The following LRRTM3 variants were observed in gnomAD, a reference collection of about 807,000 sequenced individuals.
The protein encoded by LRRTM3 is leucine-rich repeat transmembrane neuronal protein 3.
A neutral mutation model predicts 44.7 loss-of-function variants in LRRTM3; 24 were observed. That is an observed-to-expected ratio of 0.54 (90% confidence interval 0.39 to 0.76). The LOEUF is 0.76. LRRTM3 is among the 30% of genes least tolerant of loss of function. The pLI is 0.00. For missense variants in LRRTM3, 587 were observed against 702.2 expected (o/e 0.84, Z 1.85); for synonymous variants, 277 against 278.7 (o/e 0.99, Z 0.06).
intron 2 of LRRTM3, among the ~76,000 whole-genome samples, chr10:67,087,966 G>T (rs1032066731): frequency 6.6e-5 from 10 of 151,924 alleles, no homozygotes; most frequent in African/African-American, 2.2e-4. Context: ...GCTCAAAAAG[G>T]TTATGGTCTA....
intron 2 of LRRTM3, among the ~76,000 whole-genome samples, chr10:67,055,885 T>C (rs984092721): frequency 6.6e-6 from 1 of 152,090 alleles, no homozygotes; most frequent in Non-Finnish European, 1.5e-5. Flanking sequence ...ATCATGAATA[T>C]AGATTTAGTT....
chr10:67,055,995 C>T (rs1258298388), intron 2 of LRRTM3, among the ~76,000 whole-genome samples: 1 of 152,000 alleles, frequency 6.6e-6, no homozygotes, highest in Non-Finnish European at 1.5e-5. Context: ...TCTTGCCTCA[C>T]CTCTTATGTT....
chr10:66,956,626 A>T (rs1486809964), intron 2 of LRRTM3, among the ~76,000 whole-genome samples: 22 of 152,220 alleles, frequency 1.4e-4, no homozygotes, highest in Admixed American at 1.4e-3. Context: ...TAATGCTGTC[A>T]TTTCAGAGTG....
intron 2 of LRRTM3, among the ~76,000 whole-genome samples, chr10:67,065,675 A>G (rs980649199): frequency 2.0e-5 from 3 of 152,096 alleles, no homozygotes; most frequent in Admixed American, 1.3e-4. Context: ...CCTTTCCCCA[A>G]GCATGAGCCA....
At chr10:67,005,737 G>A (rs993634689) in intron 2 of LRRTM3, among the ~76,000 whole-genome samples, 6 of 113,238 alleles carry the variant, frequency 5.3e-5, no homozygotes, top group Non-Finnish European at 1.0e-4. Context: ...CCAAGCTGGA[G>A]TGCAATGGTA....
intron 2 of LRRTM3, among the ~76,000 whole-genome samples, chr10:67,042,962 A>T (rs759857823): frequency 6.6e-6 from 1 of 152,138 alleles, no homozygotes; most frequent in Non-Finnish European, 1.5e-5. Context: ...GTGAAAACTG[A>T]GCAGCTAGGT....
At chr10:66,928,509 A>G in intron 2 of LRRTM3, 57 bp downstream of exon 2, 4 of 1,486,406 alleles carry the variant, frequency 2.7e-6, no homozygotes. Flanking sequence ...GTGGTGCTTT[A>G]TTGAACTCTG....
intron 2 of LRRTM3, among the ~76,000 whole-genome samples, chr10:66,979,278 C>G (rs948227002): frequency 1.3e-5 from 2 of 151,970 alleles, no homozygotes; most frequent in Non-Finnish European, 2.9e-5. Flanking sequence ...ATAACTATTT[C>G]TTAAGTAGGA....
chr10:67,015,782 A>C (rs907617276), intron 2 of LRRTM3, among the ~76,000 whole-genome samples: 2 of 151,928 alleles, frequency 1.3e-5, no homozygotes, highest in Non-Finnish European at 2.9e-5. Context: ...AATTACGTAC[A>C]TGTTGTCTCT....
rs1348765576 is a variant in LRRTM3 at position 66,989,428 on chromosome 10, G to A, written c.1536+60976G>A. Among the ~76,000 whole-genome samples, 7 of 152,244 alleles carry A rather than the reference G, an allele frequency of 4.6e-5. No individual in the cohort carries two copies. The East Asian group carries it at 1.2e-3, about 25-fold the overall frequency. On this transcript the variant is annotated intron_variant, in intron 2 of 2. Transcript: ENST00000361320. ...TATATTTGTAGGTATAACAGAATTA[G>A]ACTACTTTAATAGCTGAATTCATTT...
chr10:66,965,372 T>C lies in LRRTM3; in HGVS notation c.1536+36920T>C, dbSNP rs1177485910. 4.6e-5 allele frequency among the ~76,000 whole-genome samples: 7 copies of C among 151,672 alleles called. No individual in the cohort carries two copies. The South Asian group carries it at 1.5e-3, about 32-fold the overall frequency. Reference sequence around the variant, plus strand: ...CAACATGGTGAAACCCTGTCTCTACTAAAAATACAAAAATTAGCCGGGTGT... The same window carrying C: ...CAACATGGTGAAACCCTGTCTCTACCAAAAATACAAAAATTAGCCGGGTGT... On this transcript the variant is annotated intron_variant, in intron 2 of 2. Coordinates refer to ENST00000361320, the MANE Select transcript of LRRTM3 (RefSeq NM_178011.5).
At chr10:66,967,619 A>G (rs1255696940) in intron 2 of LRRTM3, among the ~76,000 whole-genome samples, 2 of 152,034 alleles carry the variant, frequency 1.3e-5, no homozygotes, top group Non-Finnish European at 2.9e-5. Flanking sequence ...CAGTCCATTA[A>G]AATAATTTTC....
chr10:66,950,274 T>C (rs1342574469), intron 2 of LRRTM3, among the ~76,000 whole-genome samples: 6 of 152,162 alleles, frequency 3.9e-5, no homozygotes, highest in Non-Finnish European at 8.8e-5. Context: ...TCTATAGCCA[T>C]TAAAATTTTC....
chr10:67,038,408 C>T (rs567508952), intron 2 of LRRTM3, among the ~76,000 whole-genome samples: 9 of 151,908 alleles, frequency 5.9e-5, no homozygotes, highest in Admixed American at 5.9e-4. Flanking sequence ...TACAAAGAAA[C>T]AAAAATACGT....
At chr10:66,961,060 G>C (rs1348528588) in intron 2 of LRRTM3, among the ~76,000 whole-genome samples, 2 of 152,176 alleles carry the variant, frequency 1.3e-5, no homozygotes, top group Non-Finnish European at 2.9e-5. Context: ...ACACAAATTA[G>C]TGATACAGTA....
At chr10:66,957,417 T>TATATATATATATGC (rs1564793956) in intron 2 of LRRTM3, among the ~76,000 whole-genome samples, 1 of 31,888 alleles carries the variant, frequency 3.1e-5, no homozygotes, top group African/African-American at 3.0e-4. Flanking sequence ...TATATATGCA[T>TATATATATATATGC]ATATATATAT....
At chr10:66,964,252 G>A (rs1849279787) in intron 2 of LRRTM3, among the ~76,000 whole-genome samples, 1 of 151,520 alleles carries the variant, frequency 6.6e-6, no homozygotes, top group Non-Finnish European at 1.5e-5. Context: ...TTTAAAGTAT[G>A]AGGATTCTAC....
chr10:66,979,587 G>A (rs1176887709), intron 2 of LRRTM3, among the ~76,000 whole-genome samples: 1 of 152,114 alleles, frequency 6.6e-6, no homozygotes, highest in Non-Finnish European at 1.5e-5. Flanking sequence ...GGAAGAATTT[G>A]TTAACCATTC....
At chr10:66,961,489 G>A (rs1184709007) in intron 2 of LRRTM3, among the ~76,000 whole-genome samples, 1 of 152,036 alleles carries the variant, frequency 6.6e-6, no homozygotes, top group African/African-American at 2.4e-5. Flanking sequence ...ACCTCACTGG[G>A]ACTCTCTTGT....
Sources: allele counts gnomAD v4.1 joint callset (sites outside exome capture counted in the v4.1 genomes callset), GRCh38; gene constraint gnomAD v4.1.1; transcripts MANE v1.5; gene names NCBI Gene and HGNC (gene_info 2026-07-23, HGNC 2026-07-21).